The following COX10 variants were observed in gnomAD, a reference collection of about 807,000 sequenced individuals.
The protein encoded by COX10 is protoheme IX farnesyltransferase, mitochondrial.
In COX10, 27 loss-of-function variants were observed where a neutral mutation model predicts 37.3. The ratio of observed to expected loss-of-function variants is 0.72; its 90% confidence interval spans 0.53 to 1.00. The LOEUF is 1.00. COX10 is among the 50% of genes least tolerant of loss of function. The probability of loss-of-function intolerance (pLI) is 0.00; values close to 1 mark genes in which losing one functional copy is unlikely to be tolerated. For synonymous variants in COX10, 222 were observed against 229.1 expected, an observed-to-expected ratio of 0.97 and a Z score of 0.28; for missense variants, 475 against 563.2, an observed-to-expected ratio of 0.84 and a Z score of 1.59.
At chr17:14,070,737 A>C (rs761421992) in intron 1 of COX10, among the ~76,000 whole-genome samples, 1 of 152,208 alleles carries the variant, frequency 6.6e-6, no homozygotes, top group Non-Finnish European at 1.5e-5. Context: ...ACTCCATGAA[A>C]TTGCGTTCTT....
intron 4 of COX10, among the ~76,000 whole-genome samples, chr17:14,130,123 C>G (rs1916431358): frequency 6.6e-6 from 1 of 152,154 alleles, no homozygotes; most frequent in African/African-American, 2.4e-5. Context: ...TGAGGAGTTT[C>G]TGCTCCCAAT....
At position 14,208,373 on chromosome 17, in the gene COX10, G is replaced by A. The variant is rs1355562694; in HGVS notation, c.*1160G>A. The A allele has an allele frequency of 6.6e-6, 1 of 152,194 alleles. No homozygotes were observed. Among genetic ancestry groups the A allele is most frequent in the Non-Finnish European group, 1.5e-5 (1 of 68,044 alleles). The allele number at this position is 152,194 out of a possible 1,614,324, so 9.4% of individuals were successfully genotyped here. On this transcript the variant is annotated 3_prime_UTR_variant, in exon 7 of 7. Coordinates refer to ENST00000261643, the MANE Select transcript of COX10 (RefSeq NM_001303.4). ...GCCCAAAGGTCTTGAAGCTTGACAG[G>A]ATGTTTTCATTACTCAGTCTCCCAG...
intron 5 of COX10, among the ~76,000 whole-genome samples, chr17:14,160,484 C>T (rs1171716690): frequency 6.6e-6 from 1 of 151,874 alleles, no homozygotes; most frequent in East Asian, 1.9e-4. Flanking sequence ...TCTAAACCGG[C>T]ATTTAAAAAA....
intron 4 of COX10, among the ~76,000 whole-genome samples, chr17:14,124,663 T>C (rs895859317): frequency 6.6e-6 from 1 of 152,200 alleles, no homozygotes; most frequent in African/African-American, 2.4e-5. Flanking sequence ...ACTTGCCATG[T>C]TCTTGCCCTC....
chr17:14,172,119 T>C (rs1905489091), intron 5 of COX10, among the ~76,000 whole-genome samples: 1 of 152,078 alleles, frequency 6.6e-6, no homozygotes, highest in African/African-American at 2.4e-5. Context: ...TGTCTTCCAC[T>C]CAACTGGCAG....
chr17:14,182,218 C>T (rs1324262571), intron 5 of COX10: 1 of 798,082 alleles, frequency 1.3e-6, no homozygotes, highest in African/African-American at 1.9e-5. Context: ...CACTTGACAC[C>T]AAGAGTTTGA....
intron 6 of COX10, among the ~76,000 whole-genome samples, chr17:14,194,651 T>C (rs1005148957): frequency 3.9e-5 from 6 of 152,168 alleles, no homozygotes; most frequent in Non-Finnish European, 8.8e-5. Context: ...GGTCTCTATC[T>C]CTTGACCTCG....
intron 3 of COX10, among the ~76,000 whole-genome samples, chr17:14,099,447 T>C (rs1001490304): frequency 6.6e-6 from 1 of 152,098 alleles, no homozygotes; most frequent in African/African-American, 2.4e-5. Flanking sequence ...TAAGACTAGA[T>C]TGAAGAACAT....
At chr17:14,192,613 T>C (rs535290399) in intron 6 of COX10, among the ~76,000 whole-genome samples, 6 of 152,320 alleles carry the variant, frequency 3.9e-5, no homozygotes, top group Admixed American at 1.3e-4. Flanking sequence ...AGGGGTTTCG[T>C]CTCACGAGCC....
At chr17:14,125,116 G>T (rs1916306901) in intron 4 of COX10, among the ~76,000 whole-genome samples, 1 of 152,132 alleles carries the variant, frequency 6.6e-6, no homozygotes, top group South Asian at 2.1e-4. Flanking sequence ...TACACAGGTT[G>T]TCACTGACGA....
At chr17:14,204,203 T>A (rs1906628672) in intron 6 of COX10, among the ~76,000 whole-genome samples, 1 of 152,072 alleles carries the variant, frequency 6.6e-6, no homozygotes, top group Non-Finnish European at 1.5e-5. Context: ...GACACGTAAA[T>A]GTCTGCCTGG....
chr17:14,131,905 A>G (rs1475533436), intron 4 of COX10, among the ~76,000 whole-genome samples: 1 of 152,010 alleles, frequency 6.6e-6, no homozygotes, highest in Non-Finnish European at 1.5e-5. Context: ...TCTTCTGACT[A>G]AAAAAACTGG....
At chr17:14,105,638 C>T (rs1458342485) in intron 4 of COX10, among the ~76,000 whole-genome samples, 1 of 152,050 alleles carries the variant, frequency 6.6e-6, no homozygotes, top group Non-Finnish European at 1.5e-5. Context: ...ATGTATCATG[C>T]AAATAATGTT....
At chr17:14,186,031 C>T (rs1906015241) in intron 5 of COX10, among the ~76,000 whole-genome samples, 1 of 152,168 alleles carries the variant, frequency 6.6e-6, no homozygotes, top group South Asian at 2.1e-4. Flanking sequence ...TAGCTGAAGG[C>T]TGTTTCTCTC....
intron 4 of COX10, among the ~76,000 whole-genome samples, chr17:14,115,500 T>C (rs141560045): frequency 6.6e-6 from 1 of 152,162 alleles, no homozygotes; most frequent in African/African-American, 2.4e-5. Flanking sequence ...AATAGAAAAC[T>C]ATCATTTGAT....
At chr17:14,163,311 G>A (rs927486621) in intron 5 of COX10, among the ~76,000 whole-genome samples, 1 of 151,822 alleles carries the variant, frequency 6.6e-6, no homozygotes, top group African/African-American at 2.4e-5. Context: ...GCTAGAGTGA[G>A]TGGCGTGATC....
At chr17:14,088,975 A>G (rs1915470974) in intron 3 of COX10, among the ~76,000 whole-genome samples, 1 of 152,206 alleles carries the variant, frequency 6.6e-6, no homozygotes, top group Admixed American at 6.5e-5. Flanking sequence ...AGTTCTTGAT[A>G]GGAATTTATT....
At chr17:14,079,540 A>G (rs1346615961) in intron 3 of COX10, among the ~76,000 whole-genome samples, 5 of 152,212 alleles carry the variant, frequency 3.3e-5, no homozygotes, top group Non-Finnish European at 7.3e-5. Flanking sequence ...ATTGGCATGT[A>G]TATCAGGCTA....
intron 6 of COX10, among the ~76,000 whole-genome samples, chr17:14,198,743 C>T (rs906703852): frequency 6.6e-6 from 1 of 152,156 alleles, no homozygotes; most frequent in Non-Finnish European, 1.5e-5. Context: ...AAAGTAGAGT[C>T]GGAGTGAATT....
Sources: gnomAD v4.1 joint callset for allele counts (sites outside exome capture counted in the v4.1 genomes callset) on GRCh38, gnomAD v4.1.1 for gene constraint, MANE v1.5 for transcripts, NCBI Gene and HGNC (gene_info 2026-07-23, HGNC 2026-07-21) for gene names.